Variants in ACACA observed in about 807,000 individuals in gnomAD.
The protein encoded by ACACA is acetyl-CoA carboxylase 1.
In ACACA, 103 loss-of-function variants were observed where a neutral mutation model predicts 296.1. The observed-to-expected ratio is 0.35, with a 90% CI of 0.30 to 0.41. The LOEUF (loss-of-function observed/expected upper bound fraction) is 0.41, where lower values mean the gene tolerates loss of function less well. Among genes scored for constraint, ACACA ranks in the 10% least tolerant of loss-of-function variants. The probability of loss-of-function intolerance (pLI) is 1.00; values close to 1 mark genes in which losing one functional copy is unlikely to be tolerated. For missense variants in ACACA, 1,554 were observed against 2,989.7 expected (o/e 0.52, Z 11.20); for synonymous variants, 953 against 1,038.6 (o/e 0.92, Z 1.58).
intron 3 of ACACA, among the ~76,000 whole-genome samples, chr17:37,297,743 G>A (rs2083423756): frequency 6.6e-6 from 1 of 151,834 alleles, no homozygotes; most frequent in Non-Finnish European, 1.5e-5. Context: ...TAGAGACGGG[G>A]TTTCACCATG....
intron 5 of ACACA, 65 bp from the exon 6 acceptor site, chr17:37,278,070 C>G: frequency 2.5e-6 from 3 of 1,202,258 alleles, no homozygotes; most frequent in Non-Finnish European, 3.7e-6. Context: ...AATTGCACAG[C>G]AAAACTACGT....
rs2081347729 is a variant in ACACA at position 37,259,396 on chromosome 17, C to T, written c.1464G>A (p.Met488Ile). The T allele has an allele frequency of 1.2e-6, 2 of 1,614,054 alleles. No individual in the cohort carries two copies. The highest frequency in any genetic ancestry group is 2.7e-5 in the African/African-American group (2 of 74,910). ...RLQVEHPCTE[M>I]VADVNLPAAQ... is the part of the protein sequence containing the mutation. The stretch of plus-strand genomic sequence containing the variant: ...CTGCAGGGAGATTGACATCAGCCAC[C>T]ATCTCTGTACAAGGGTGCTCTACCT... Residue 488 changes from methionine (M) to isoleucine (I), a missense_variant, in exon 12 of 56, where the codon ATG becomes ATA. This residue lies in a region of ACACA where 3 missense variants were observed against 29.1 expected (regional missense o/e 0.10). Coordinates refer to ENST00000616317, the MANE Select transcript of ACACA (RefSeq NM_198834.3).
chr17:37,309,441 A>C (rs529050611), intron 3 of ACACA, among the ~76,000 whole-genome samples: 2 of 152,346 alleles, frequency 1.3e-5, no homozygotes, highest in South Asian at 4.1e-4. Context: ...ACAAGAAATC[A>C]AATAAATATA....
intron 28 of ACACA, among the ~76,000 whole-genome samples, chr17:37,222,916 A>G (rs1175294001): frequency 2.0e-5 from 3 of 152,246 alleles, no homozygotes; most frequent in African/African-American, 7.2e-5. Flanking sequence ...GATTAGCCTG[A>G]GTTCAAATGC....
chr17:37,234,936 C>T (rs1052782595), intron 25 of ACACA, 39 bp downstream of exon 25: 3 of 1,612,178 alleles, frequency 1.9e-6, no homozygotes, highest in Non-Finnish European at 2.5e-6. Context: ...TTTTGCATAT[C>T]ATTGACGGTC....
Position 37,241,942 on chromosome 17 carries a change from C to G in ACACA, c.3032+11G>C. The G allele has an allele frequency of 1.9e-6, 3 of 1,608,372 alleles. No individual in the cohort carries two copies. The highest frequency in any genetic ancestry group is 2.6e-6 in the Non-Finnish European group (3 of 1,175,048). On this transcript the variant is annotated intron_variant, in intron 23 of 55. Coordinates refer to ENST00000616317, the MANE Select transcript of ACACA (RefSeq NM_198834.3). Reference sequence around the variant, plus strand: ...GGACAGGTCTGGGAATCTGGAGTTACAAGTTACTACCTCTGTACCAGCTGA... The same window carrying G: ...GGACAGGTCTGGGAATCTGGAGTTAGAAGTTACTACCTCTGTACCAGCTGA...
At chr17:37,222,389 G>T (rs2079338226) in intron 28 of ACACA, among the ~76,000 whole-genome samples, 1 of 152,142 alleles carries the variant, frequency 6.6e-6, no homozygotes, top group African/African-American at 2.4e-5. Flanking sequence ...GGCATAAGCA[G>T]TAAGACATAA....
chr17:37,247,888 T>A, intron 18 of ACACA, 123 bp downstream of exon 18: 1 of 196,160 alleles, frequency 5.1e-6, no homozygotes, highest in Non-Finnish European at 7.9e-6. Flanking sequence ...GCATGTACTA[T>A]TTTTTTTTTT....
chr17:37,142,678 A>G (rs1203613919), intron 45 of ACACA, among the ~76,000 whole-genome samples: 2 of 152,160 alleles, frequency 1.3e-5, no homozygotes, highest in Non-Finnish European at 2.9e-5. Context: ...AGTGATTATG[A>G]GCTATTGTAT....
At chr17:37,297,213 G>A (rs112258442) in intron 3 of ACACA, among the ~76,000 whole-genome samples, 6,508 of 151,152 alleles carry the variant, frequency 0.043, 472 homozygotes, top group African/African-American at 0.15. Context: ...AGGCCAAGGC[G>A]GGCATATCAC....
rs184842684 is a variant in ACACA, at chr17:37,152,864, C to T, written c.5448-1443G>A. Among the ~76,000 whole-genome samples the T allele has an allele frequency of 5.9e-5, 9 of 152,276 alleles. No individual in the cohort carries two copies. In the East Asian group the frequency reaches 1.7e-3, roughly 29 times the overall value. The stretch of plus-strand genomic sequence containing the variant: ...TTCCTCCTGCCCCCATATTTTCCTG[C>T]TCCCTTCTTCATTTCCAGCCCTCCA... On this transcript the variant is annotated intron_variant, in intron 43 of 55. Transcript: ENST00000616317.
At chr17:37,241,155 A>G (rs567039756) in intron 23 of ACACA, among the ~76,000 whole-genome samples, 2 of 152,248 alleles carry the variant, frequency 1.3e-5, no homozygotes, top group Admixed American at 6.5e-5. Context: ...AGATTGTGCT[A>G]CTGTACTACA....
At chr17:37,201,229 G>A (rs909315414) in intron 33 of ACACA, among the ~76,000 whole-genome samples, 6 of 152,076 alleles carry the variant, frequency 3.9e-5, no homozygotes, top group Admixed American at 2.0e-4. Flanking sequence ...ACTTGAGGCC[G>A]GGAGTTTGAG....
intron 3 of ACACA, among the ~76,000 whole-genome samples, chr17:37,300,761 C>A (rs1024183393): frequency 1.3e-5 from 2 of 152,152 alleles, no homozygotes; most frequent in African/African-American, 4.8e-5. Flanking sequence ...ACATGACAAC[C>A]AGCTATAATA....
intron 3 of ACACA, among the ~76,000 whole-genome samples, chr17:37,324,096 G>C (rs1397679056): frequency 6.6e-6 from 1 of 152,114 alleles, no homozygotes; most frequent in Non-Finnish European, 1.5e-5. Flanking sequence ...GCTGGGCACA[G>C]TGGCTCACAC....
chr17:37,215,776 T>C (rs2078953976), intron 29 of ACACA, among the ~76,000 whole-genome samples: 1 of 151,892 alleles, frequency 6.6e-6, no homozygotes, highest in Non-Finnish European at 1.5e-5. Context: ...GACAGACATA[T>C]ACAAAACTTG....
At chr17:37,395,787 C>T (rs2051060625) in intron 1 of ACACA, among the ~76,000 whole-genome samples, 2 of 152,106 alleles carry the variant, frequency 1.3e-5, no homozygotes, top group Admixed American at 1.3e-4. Flanking sequence ...AGGTGATCTG[C>T]CCATCTTGGC....
At chr17:37,350,426 G>A (rs1252493052) in intron 1 of ACACA, among the ~76,000 whole-genome samples, 1 of 151,896 alleles carries the variant, frequency 6.6e-6, no homozygotes, top group Non-Finnish European at 1.5e-5. Flanking sequence ...ACCCTTAGGT[G>A]GGAAGATCAC....
At chr17:37,149,839 C>T (rs1353470944) in intron 45 of ACACA, 25 bp downstream of exon 45, 2 of 1,592,506 alleles carry the variant, frequency 1.3e-6, no homozygotes, top group Admixed American at 3.3e-5. Flanking sequence ...GCTATGCATA[C>T]TTCTTCAAAA....
Sources: gnomAD v4.1 joint callset for allele counts (sites outside exome capture counted in the v4.1 genomes callset) on GRCh38, gnomAD v4.1.1 for gene constraint, gnomAD v4.1.1 regional missense constraint, MANE v1.5 for transcripts, NCBI Gene and HGNC (gene_info 2026-07-23, HGNC 2026-07-21) for gene names.